Variants in RNF17 observed in about 807,000 individuals in gnomAD.
RNF17 encodes the protein ring finger protein 17.
In RNF17, 31 loss-of-function variants were observed where a neutral mutation model predicts 200.5. The observed-to-expected ratio is 0.15, with a 90% confidence interval of 0.12 to 0.21. The LOEUF (loss-of-function observed/expected upper bound fraction) is 0.21, where lower values mean the gene tolerates loss of function less well. Ranked by LOEUF, RNF17 falls within the 10% of genes least tolerant of loss-of-function variation. The pLI, the probability that RNF17 is intolerant of heterozygous loss-of-function variation, is 1.00. For missense variants in RNF17, 1,628 were observed against 1,905.1 expected (o/e 0.85, Z 2.71); for synonymous variants, 606 against 637.8 (o/e 0.95, Z 0.75).
downstream of RNF17, among the ~76,000 whole-genome samples, chr13:24,880,993 T>G (rs1209538549): frequency 1.3e-5 from 2 of 152,206 alleles, no homozygotes; most frequent in Non-Finnish European, 2.9e-5. Context: ...TCAAATAGTT[T>G]GTCCATTTTT....
intron 10 of RNF17, among the ~76,000 whole-genome samples, chr13:24,795,359 C>G (rs1415457576): frequency 1.0e-5 from 1 of 98,496 alleles, no homozygotes; most frequent in African/African-American, 4.4e-5. Context: ...TAAATAAACA[C>G]ACACAAATTA....
downstream of RNF17, chr13:24,884,128 A>ATAAT (rs1479744898): frequency 1.9e-6 from 3 of 1,588,324 alleles, no homozygotes; most frequent in Admixed American, 1.8e-5. Flanking sequence ...AAGGAAGGGA[A>ATAAT]GAATTTAATG....
At chr13:24,821,411 G>A (rs145359093) in intron 15 of RNF17, among the ~76,000 whole-genome samples, 14 of 152,166 alleles carry the variant, frequency 9.2e-5, no homozygotes, top group African/African-American at 3.4e-4. Flanking sequence ...CTTTAAATTG[G>A]GGACTTCTAC....
intron 2 of RNF17, 78 bp from the exon 3 acceptor site, chr13:24,774,735 C>G: frequency 3.8e-6 from 3 of 798,664 alleles, no homozygotes; most frequent in Non-Finnish European, 6.2e-6. Flanking sequence ...GAATAGCACA[C>G]TTAAATAGTT....
At chr13:24,875,994 T>G (rs55697902) in intron 33 of RNF17, among the ~76,000 whole-genome samples, 63,248 of 151,988 alleles carry the variant, frequency 0.42, 13,209 homozygotes, top group Admixed American at 0.45. Context: ...GAGTTTTACC[T>G]AAATCATTAG....
At chr13:24,884,622 T>C (rs915297973), downstream of RNF17, among the ~76,000 whole-genome samples, 1 of 152,224 alleles carries the variant, frequency 6.6e-6, no homozygotes, top group African/African-American at 2.4e-5. Context: ...CTCGTGATTT[T>C]CTAATTTTCT....
chr13:24,854,163 T>G lies in RNF17; in HGVS notation c.3610+19T>G. ...CTATCAGGTGAGACCTTCTATGTTATGTAGGCTCTAGTTCTCTAGTACGAA... is the reference window on the plus strand; with the variant it reads ...CTATCAGGTGAGACCTTCTATGTTAGGTAGGCTCTAGTTCTCTAGTACGAA... On this transcript the variant is annotated intron_variant, in intron 25 of 35. Coordinates refer to ENST00000255324, the MANE Select transcript of RNF17 (RefSeq NM_031277.3). 2 of 1,579,010 alleles carry G rather than the reference T, an allele frequency of 1.3e-6. No individual in the cohort carries two copies. The highest frequency in any genetic ancestry group is 1.7e-6 in the Non-Finnish European group (2 of 1,156,874).
chr13:24,862,778 G>T lies in RNF17; in HGVS notation c.3960G>T (p.Val1320=). ...VLQQLLSKRQ[V]DIHIMELPKN... ...AACAACTGCTTTCAAAGAGACAGGT[G>T]GACATTCACATTATGGTAATTTAAA... The change falls in exon 28 of 36, where the codon GTG becomes GTT. Residue 1320 remains valine, a synonymous_variant. Transcript: ENST00000255324. The T allele has an allele frequency of 6.3e-7, 1 of 1,593,578 alleles. No individual in the cohort carries two copies. Among genetic ancestry groups the T allele is most frequent in the South Asian group, 1.1e-5 (1 of 90,506 alleles).
intron 12 of RNF17, among the ~76,000 whole-genome samples, chr13:24,800,070 C>A (rs775161905): frequency 2.0e-4 from 31 of 152,050 alleles, no homozygotes; most frequent in Non-Finnish European, 1.6e-4. Flanking sequence ...ATGGTTATAG[C>A]TTTATGAATA....
intron 24 of RNF17, 66 bp downstream of exon 24, chr13:24,851,637 C>T (rs1891905643): frequency 1.1e-6 from 1 of 897,778 alleles, no homozygotes; most frequent in East Asian, 2.6e-5. Flanking sequence ...GTGTGCAAAT[C>T]TTATGTGTGC....
chr13:24,781,627 C>A (rs2137560329), intron 5 of RNF17, among the ~76,000 whole-genome samples: 1 of 152,258 alleles, frequency 6.6e-6, no homozygotes, highest in South Asian at 2.1e-4. Context: ...CCAAGTGAGA[C>A]CTGGTCTCAG....
intron 16 of RNF17, among the ~76,000 whole-genome samples, chr13:24,828,654 A>G (rs1021755610): frequency 1.3e-5 from 2 of 151,724 alleles, no homozygotes; most frequent in Non-Finnish European, 2.9e-5. Context: ...CTCTGTGTAA[A>G]TAAAGCCATA....
At chr13:24,786,790 T>C (rs1883163913) in intron 6 of RNF17, among the ~76,000 whole-genome samples, 1 of 152,222 alleles carries the variant, frequency 6.6e-6, no homozygotes, top group Admixed American at 6.5e-5. Context: ...TTCTTGCAGC[T>C]TTCAGGATTC....
chr13:24,763,918 G>A (rs149803910), upstream of RNF17, among the ~76,000 whole-genome samples: 1,468 of 152,282 alleles, frequency 9.6e-3, 36 homozygotes, highest in African/African-American at 0.033. Context: ...GTAATAATAT[G>A]CGAAATTTTA....
Position 24,802,147 on chromosome 13 carries a change from C to T in RNF17, c.1759-234C>T, listed in dbSNP as rs576558652. Among the ~76,000 whole-genome samples the T allele has an allele frequency of 3.3e-5, 5 of 151,952 alleles. No individual in the cohort carries two copies. In the East Asian group the frequency reaches 7.8e-4, roughly 24 times the overall value. On this transcript the variant is annotated intron_variant, in intron 13 of 35. Coordinates refer to ENST00000255324, the MANE Select transcript of RNF17 (RefSeq NM_031277.3). ...ATTAAAGGCACCTGCCACCACGCCC[C>T]GCTAATTTTTGTATTTTTTGTAGAG...
In RNF17 at chr13:24,843,725, A is replaced by T; in HGVS notation, c.2604-19A>T. 1 of 1,444,034 alleles carries T rather than the reference A, an allele frequency of 6.9e-7. No homozygotes were observed. Among genetic ancestry groups the T allele is most frequent in the Non-Finnish European group, 9.7e-7 (1 of 1,028,984 alleles). The allele number at this position is 1,444,034 out of a possible 1,614,324, so 89.5% of individuals were successfully genotyped here. ...TATTTTGCATACAGTTCTTTTCATTAACTTTTGTTGTTTTTCAGATACATC... is the reference window on the plus strand; with the variant it reads ...TATTTTGCATACAGTTCTTTTCATTTACTTTTGTTGTTTTTCAGATACATC... On this transcript the variant is annotated intron_variant, in intron 19 of 35. Transcript: ENST00000255324.
At chr13:24,881,855 TATAG>T (rs1230727633), downstream of RNF17, among the ~76,000 whole-genome samples, 73 of 71,130 alleles carry the variant, frequency 1.0e-3, no homozygotes, top group African/African-American at 2.9e-3. Flanking sequence ...GATACATCTA[TATAG>T]ATATATAGAT....
intron 12 of RNF17, 63 bp downstream of exon 12, chr13:24,799,647 T>A: frequency 3.2e-6 from 3 of 947,734 alleles, no homozygotes; most frequent in Non-Finnish European, 4.9e-6. Context: ...GAGGTGGAGT[T>A]AAAGAATAAA....
intron 32 of RNF17, among the ~76,000 whole-genome samples, chr13:24,873,226 A>G (rs1421061923): frequency 1.3e-5 from 2 of 152,190 alleles, no homozygotes; most frequent in African/African-American, 4.8e-5. Flanking sequence ...ATATGAGCTA[A>G]TAAGTCTTAG....
Sources: gnomAD v4.1 joint callset for allele counts (sites outside exome capture counted in the v4.1 genomes callset) on GRCh38, gnomAD v4.1.1 for gene constraint, MANE v1.5 for transcripts, NCBI Gene and HGNC (gene_info 2026-07-23, HGNC 2026-07-21) for gene names.